The following BTBD2 variants were observed in gnomAD, a reference collection of about 807,000 sequenced individuals.
BTBD2 encodes the protein BTB domain containing 2.
A neutral mutation model predicts 44.0 loss-of-function variants in BTBD2; 15 were observed. That is an observed-to-expected ratio of 0.34 (90% CI 0.23 to 0.53). BTBD2 has a LOEUF of 0.53. Ranked by LOEUF, BTBD2 falls within the 20% of genes least tolerant of loss-of-function variation. The probability of loss-of-function intolerance (pLI) is 0.95; values close to 1 mark genes in which losing one functional copy is unlikely to be tolerated. For synonymous variants in BTBD2, 443 were observed against 335.9 expected (o/e 1.32, Z -3.49); for missense variants, 657 against 746.4 (o/e 0.88, Z 1.39).
intron 5 of BTBD2, 110 bp downstream of exon 5, chr19:1,989,894 C>T (rs1203612867): frequency 7.2e-6 from 9 of 1,255,288 alleles, no homozygotes; most frequent in Non-Finnish European, 8.9e-6. Flanking sequence ...ATATGCCAGG[C>T]ATCTGCCAGG....
chr19:1,998,209 T>C (rs965642721), intron 1 of BTBD2, among the ~76,000 whole-genome samples: 7 of 152,202 alleles, frequency 4.6e-5, no homozygotes, highest in African/African-American at 9.6e-5. Flanking sequence ...CATTCCCTCA[T>C]CAGCACAAGC....
At chr19:1,996,486 TGTTGTTG>T (rs1568217628) in intron 2 of BTBD2, among the ~76,000 whole-genome samples, 1 of 144,140 alleles carries the variant, frequency 6.9e-6, no homozygotes, top group Non-Finnish European at 1.5e-5. Flanking sequence ...TCCTTTTTTT[TGTTGTTG>T]TTGTTATTTT....
Position 2,012,173 on chromosome 19 carries a change from G to A in BTBD2, c.407+3124C>T, listed in dbSNP as rs543280887. ...CCAGCCTGTCCTTTATTTTTTTTGA[G>A]ATGGTGTGTCACTGTGTCGCCTGGG... On this transcript the variant is annotated intron_variant, in intron 1 of 8. Transcript: ENST00000255608. Among the ~76,000 whole-genome samples the A allele has an allele frequency of 3.1e-4, 42 of 134,698 alleles. 4 individuals carry two copies. Among genetic ancestry groups the A allele is most frequent in the African/African-American group, 1.3e-3 (41 of 32,694 alleles). 88.4% of individuals were successfully genotyped at this position (134,698 alleles called of 152,430 possible). A position where few individuals can be genotyped will look rare whatever the true frequency, so the allele number is the denominator to read the frequency against.
chr19:1,990,680 C>A (rs4806826), intron 4 of BTBD2, 37 bp downstream of exon 4: 1 of 1,544,866 alleles, frequency 6.5e-7, no homozygotes, highest in Non-Finnish European at 8.8e-7. Context: ...GCCGAGGCCC[C>A]GCTGGGATTC....
At position 2,008,342 on chromosome 19, in the gene BTBD2, C is replaced by A. The variant is rs145301842; in HGVS notation, c.407+6955G>T. Among the ~76,000 whole-genome samples the A allele has an allele frequency of 3.0e-3, 433 of 146,184 alleles. 3 individuals are homozygous for A. Among genetic ancestry groups the A allele is most frequent in the African/African-American group, 0.011 (415 of 38,832 alleles). ...CTAGGTGGAGTCTCGCTGTGTTGCCCAAGCTGGAGCCCAGTCGTGCGATCT... is the reference window on the plus strand; with the variant it reads ...CTAGGTGGAGTCTCGCTGTGTTGCCAAAGCTGGAGCCCAGTCGTGCGATCT... On this transcript the variant is annotated intron_variant, in intron 1 of 8. Transcript: ENST00000255608.
intron 1 of BTBD2, among the ~76,000 whole-genome samples, chr19:2,010,595 C>A (rs1448505956): frequency 6.6e-6 from 1 of 152,114 alleles, no homozygotes; most frequent in Non-Finnish European, 1.5e-5. Context: ...CATCGGTGAA[C>A]TCCAGACTTT....
At chr19:2,012,358 A>G (rs1414350199) in intron 1 of BTBD2, among the ~76,000 whole-genome samples, 36 of 129,032 alleles carry the variant, frequency 2.8e-4, no homozygotes, top group African/African-American at 9.2e-4. Context: ...CACCGTGTTG[A>G]CCAGGCTGGT....
rs1190694382 is a variant in BTBD2 at position 1,997,396 on chromosome 19, T to C, written c.475A>G (p.Thr159Ala). The C allele has an allele frequency of 6.2e-7, 1 of 1,614,026 alleles. No homozygotes were observed. Among genetic ancestry groups the C allele is most frequent in the African/African-American group, 1.3e-5 (1 of 74,910 alleles). Reference sequence around the variant, plus strand: ...TCCACGTCGGGCAGCTCAATCTCCGTGGATGTTGTGGCCATTCCCCCGTTG... The same window carrying C: ...TCCACGTCGGGCAGCTCAATCTCCGCGGATGTTGTGGCCATTCCCCCGTTG... ...MFNGGMATTS[T>A]EIELPDVEPA... Residue 159 changes from threonine to alanine, a missense_variant, in exon 2 of 9, where the codon ACG becomes GCG. Physicochemically the swap from Thr to Ala is moderately conservative, Grantham distance 58. Transcript: ENST00000255608.
At position 2,015,426 on chromosome 19, in the gene BTBD2, G is replaced by C; in HGVS notation, c.278C>G (p.Ala93Gly). 1 of 1,510,960 alleles carries C rather than the reference G, an allele frequency of 6.6e-7. No homozygotes were observed. The highest frequency in any genetic ancestry group is 8.8e-7 in the Non-Finnish European group (1 of 1,136,642). The allele number at this position is 1,510,960 out of a possible 1,614,324, so 93.6% of individuals were successfully genotyped here. Residue 93 changes from alanine to glycine, a missense_variant, in exon 1 of 9, where the codon GCG becomes GGG. Around this residue, in one of 3 missense-constraint regions of BTBD2, gnomAD observed 191 missense variants for 188.5 expected, o/e 1.01. Transcript: ENST00000255608. Reference protein sequence around the residue: ...PGAAALQREAAYNWQASKPTV... With the variant: ...PGAAALQREAGYNWQASKPTV... Reference sequence around the variant, plus strand: ...GGGCTTGCTGGCCTGCCAGTTGTACGCGGCCTCGCGCTGCAGCGCCGCCGC... The same window carrying C: ...GGGCTTGCTGGCCTGCCAGTTGTACCCGGCCTCGCGCTGCAGCGCCGCCGC...
chr19:1,990,876 G>A lies in BTBD2; in HGVS notation c.685-54C>T, dbSNP rs1187636894. On this transcript the variant is annotated intron_variant, in intron 3 of 8. Transcript: ENST00000255608. ...GTGGGGACATCAGCACCCAGCCCTCGGCAGATCCCCAGTGCGGGGCCGGTT... is the reference window on the plus strand; with the variant it reads ...GTGGGGACATCAGCACCCAGCCCTCAGCAGATCCCCAGTGCGGGGCCGGTT... 5.5e-5 allele frequency: 81 copies of A among 1,467,792 alleles called. 1 individual carries two copies. In the South Asian group the frequency reaches 7.5e-4, roughly 14 times the overall value. The allele number at this position is 1,467,792 out of a possible 1,614,324, so 90.9% of individuals were successfully genotyped here.
chr19:2,004,953 G>A (rs1363588201), intron 1 of BTBD2, among the ~76,000 whole-genome samples: 1 of 151,818 alleles, frequency 6.6e-6, no homozygotes, highest in African/African-American at 2.4e-5. Context: ...CCGAGTAGCT[G>A]GGACTACAGG....
chr19:2,012,385 C>T (rs950284027), intron 1 of BTBD2, among the ~76,000 whole-genome samples: 1 of 151,744 alleles, frequency 6.6e-6, no homozygotes, highest in African/African-American at 2.4e-5. Context: ...CTCCCGACCT[C>T]GTGATCTGCC....
At chr19:1,988,947 T>C (rs761544391) in intron 5 of BTBD2, among the ~76,000 whole-genome samples, 6 of 152,014 alleles carry the variant, frequency 3.9e-5, no homozygotes, top group Non-Finnish European at 5.9e-5. Flanking sequence ...AGTTTCACTC[T>C]TGTTGCCCAG....
intron 1 of BTBD2, among the ~76,000 whole-genome samples, chr19:2,010,428 C>G (rs1319538912): frequency 6.6e-6 from 1 of 152,140 alleles, no homozygotes; most frequent in East Asian, 1.9e-4. Flanking sequence ...AACGCCGACC[C>G]CTGCGCGACG....
chr19:1,990,666 TCCCGCCGAGGC>T (rs150224120), intron 4 of BTBD2, 40 bp downstream of exon 4: 30,008 of 1,505,322 alleles, frequency 0.02, 391 homozygotes, highest in Admixed American at 0.057. Flanking sequence ...CCCCGGACCC[TCCCGCCGAGGC>T]CCCGCTGGGA....
intron 2 of BTBD2, among the ~76,000 whole-genome samples, chr19:1,993,802 G>T (rs1478528379): frequency 1.4e-5 from 2 of 147,284 alleles, no homozygotes; most frequent in South Asian, 2.2e-4. Flanking sequence ...TGCCAGACCA[G>T]CCTGGCCAAC....
chr19:1,999,694 C>T (rs547539729), intron 1 of BTBD2, among the ~76,000 whole-genome samples: 6 of 151,558 alleles, frequency 4.0e-5, no homozygotes, highest in Admixed American at 2.6e-4. Context: ...GGTGCAGTGG[C>T]TCACGCCTGT....
chr19:1,986,258 GGGCCTGGCCACT>G lies in BTBD2; in HGVS notation c.*218_*229del, dbSNP rs201597809. 10,774 of 578,652 alleles carry G rather than the reference GGGCCTGGCCACT, an allele frequency of 0.019. 218 individuals are homozygous for G. The highest frequency in any genetic ancestry group is 0.075 in the Admixed American group (2,479 of 32,870). 35.8% of individuals were successfully genotyped at this position (578,652 alleles called of 1,614,324 possible). On this transcript the variant is annotated 3_prime_UTR_variant, in exon 9 of 9. Coordinates refer to ENST00000255608, the MANE Select transcript of BTBD2 (RefSeq NM_017797.4). ...CTAGTCCTGAGGGATTGTCTCCACA[GGGCCTGGCCACT>G]GGCCTGGCCACCTCCCCGGCTGCCC...
chr19:2,013,346 G>A (rs2016492042), intron 1 of BTBD2, among the ~76,000 whole-genome samples: 1 of 151,992 alleles, frequency 6.6e-6, no homozygotes, highest in Non-Finnish European at 1.5e-5. Flanking sequence ...CCGCACACTG[G>A]CAAAGACAGA....
Sources: allele counts gnomAD v4.1 joint callset (sites outside exome capture counted in the v4.1 genomes callset), GRCh38; gene constraint gnomAD v4.1.1; regional missense constraint gnomAD v4.1.1; transcripts MANE v1.5; gene names NCBI Gene and HGNC (gene_info 2026-07-23, HGNC 2026-07-21).